MAF: variants seen among roughly 807,000 people sequenced by gnomAD.
MAF encodes the protein MAF bZIP transcription factor.
In MAF, 10 loss-of-function variants were observed where a neutral mutation model predicts 22.0. The observed-to-expected ratio is 0.45, with a 90% confidence interval of 0.28 to 0.77. The LOEUF (loss-of-function observed/expected upper bound fraction) is 0.77. MAF is among the 30% of genes least tolerant of loss of function. The pLI, the probability that MAF is intolerant of heterozygous loss-of-function variation, is 0.12. For synonymous variants in MAF, 337 were observed against 255.8 expected (o/e 1.32, Z -3.03); for missense variants, 544 against 548.4 (o/e 0.99, Z 0.08).
the MAF span, chr16:79,203,574 G>C: frequency 1.4e-5 from 2 of 147,606 alleles, no homozygotes; most frequent in African/African-American, 5.0e-5. Flanking sequence ...TAAATGAACT[G>C]TCAACCTTAA....
At chr16:79,550,861 G>A in the MAF span, among the ~76,000 whole-genome samples, 18 of 152,292 alleles carry the variant, frequency 1.2e-4, no homozygotes, top group African/African-American at 4.3e-4. Flanking sequence ...CCCCCAGGGA[G>A]ATTGGCACAG....
chr16:79,382,230 A>C, the MAF span, among the ~76,000 whole-genome samples: 5 of 152,360 alleles, frequency 3.3e-5, no homozygotes, highest in South Asian at 8.3e-4. Context: ...CGATCTAAGA[A>C]TTTCACCTGG....
the MAF span, among the ~76,000 whole-genome samples, chr16:79,391,028 C>T: frequency 0.031 from 4,683 of 152,240 alleles, 160 homozygotes; most frequent in African/African-American, 0.08. Flanking sequence ...GTCACACTGC[C>T]AGGGTCCACT....
chr16:79,521,218 T>C, the MAF span, among the ~76,000 whole-genome samples: 1 of 152,236 alleles, frequency 6.6e-6, no homozygotes, highest in African/African-American at 2.4e-5. Flanking sequence ...CAGTACATAC[T>C]TTCCCTATTT....
At chr16:79,390,787 T>G in the MAF span, among the ~76,000 whole-genome samples, 3 of 152,210 alleles carry the variant, frequency 2.0e-5, no homozygotes, top group Non-Finnish European at 4.4e-5. Flanking sequence ...TATGATAATC[T>G]GATAACCGGG....
At chr16:79,316,261 T>C in the MAF span, among the ~76,000 whole-genome samples, 4 of 152,200 alleles carry the variant, frequency 2.6e-5, no homozygotes, top group South Asian at 4.1e-4. Context: ...CAGGGAAGAT[T>C]GTACTGACAA....
At chr16:79,564,727 A>G in the MAF span, among the ~76,000 whole-genome samples, 9 of 152,184 alleles carry the variant, frequency 5.9e-5, no homozygotes, top group Non-Finnish European at 1.3e-4. Context: ...AATCTGGCAG[A>G]TCCCCAGCCC....
chr16:79,239,292 G>A, the MAF span, among the ~76,000 whole-genome samples: 1 of 152,070 alleles, frequency 6.6e-6, no homozygotes, highest in Non-Finnish European at 1.5e-5. Flanking sequence ...TCACTCTTAA[G>A]TAGTGTCACT....
chr16:79,445,279 G>A, the MAF span, among the ~76,000 whole-genome samples: 34 of 151,738 alleles, frequency 2.2e-4, no homozygotes, highest in East Asian at 5.6e-3. Flanking sequence ...TCCTGACCTC[G>A]TGATCTGCCC....
the MAF span, among the ~76,000 whole-genome samples, chr16:79,400,827 G>A: frequency 6.6e-6 from 1 of 152,238 alleles, no homozygotes; most frequent in African/African-American, 2.4e-5. Flanking sequence ...TCAACCTTTT[G>A]TTATTGGGAA....
At chr16:79,473,241 G>A in the MAF span, among the ~76,000 whole-genome samples, 2 of 152,060 alleles carry the variant, frequency 1.3e-5, no homozygotes, top group Non-Finnish European at 2.9e-5. Context: ...TCTCTTTGCA[G>A]GTCCCAGATG....
the MAF span, among the ~76,000 whole-genome samples, chr16:79,566,855 G>C: frequency 1.3e-5 from 2 of 152,190 alleles, no homozygotes; most frequent in East Asian, 1.9e-4. Flanking sequence ...ATCCTCTTTG[G>C]CTGCTGAAGC....
the MAF span, among the ~76,000 whole-genome samples, chr16:79,487,095 C>A: frequency 6.6e-6 from 1 of 151,844 alleles, no homozygotes; most frequent in Non-Finnish European, 1.5e-5. Flanking sequence ...CTCCAAAACA[C>A]TGTTTTATAT....
the MAF span, among the ~76,000 whole-genome samples, chr16:79,343,390 G>A: frequency 2.0e-5 from 3 of 152,136 alleles, no homozygotes; most frequent in South Asian, 2.1e-4. Flanking sequence ...AAGATGCAAC[G>A]AGCATATTTG....
the MAF span, among the ~76,000 whole-genome samples, chr16:79,246,022 A>C: frequency 6.6e-6 from 1 of 151,486 alleles, no homozygotes; most frequent in South Asian, 2.1e-4. Context: ...ACACATGGAC[A>C]CAAGGAGGGG....
the MAF span, chr16:79,211,751 C>G: frequency 6.2e-7 from 1 of 1,614,200 alleles, no homozygotes; most frequent in Non-Finnish European, 8.5e-7. Context: ...TGTGGGCGCT[C>G]AGCGAGAGGC....
At chr16:79,364,147 TGGGAGCTTATACATCCTGTAGGA>T in the MAF span, among the ~76,000 whole-genome samples, 1 of 152,110 alleles carries the variant, frequency 6.6e-6, no homozygotes, top group African/African-American at 2.4e-5. Flanking sequence ...ATGCCCTAAT[TGGGAGCTTATACATCCTGTAGGA>T]GGGAGCCCAG....
chr16:79,217,606 G>A, the MAF span, among the ~76,000 whole-genome samples: 5 of 152,046 alleles, frequency 3.3e-5, no homozygotes, highest in Admixed American at 1.3e-4. Context: ...AGTTCTTCGC[G>A]CTCATCTGAT....
chr16:79,528,103 T>C, the MAF span, among the ~76,000 whole-genome samples: 219 of 152,242 alleles, frequency 1.4e-3, 1 homozygote, highest in Non-Finnish European at 2.5e-3. Context: ...GATTATGCCA[T>C]TGCATGCCAG....
Sources: gnomAD v4.1 joint callset for allele counts (sites outside exome capture counted in the v4.1 genomes callset) on GRCh38, gnomAD v4.1.1 for gene constraint, MANE v1.5 for transcripts, NCBI Gene and HGNC (gene_info 2026-07-23, HGNC 2026-07-21) for gene names.